CNTN4: variants seen among roughly 807,000 people sequenced by gnomAD.
The protein encoded by CNTN4 is contactin-4.
A neutral mutation model predicts 122.5 loss-of-function variants in CNTN4; 77 were observed. The observed-to-expected ratio is 0.63, with a 90% confidence interval of 0.52 to 0.76. The LOEUF (loss-of-function observed/expected upper bound fraction) is 0.76, where lower values mean the gene tolerates loss of function less well. CNTN4 is among the 30% of genes least tolerant of loss of function. The pLI, the probability that CNTN4 is intolerant of heterozygous loss-of-function variation, is 0.00. For missense variants in CNTN4, 1,256 were observed against 1,259.1 expected (o/e 1.00, Z 0.04); for synonymous variants, 512 against 447.0 (o/e 1.15, Z -1.83).
In CNTN4 at chr3:2,313,252, T is replaced by C. The variant is rs563233710; in HGVS notation, c.-144-25926T>C. ...GTACAGAAAAACAAAAATATAGTCA[T>C]TATAAGAAGGGGTTATATCAATACT... is the stretch of plus-strand genomic sequence containing the variant. On this transcript the variant is annotated intron_variant, in intron 2 of 24. Coordinates refer to ENST00000418658, the MANE Select transcript of CNTN4 (RefSeq NM_175607.3). 2.1e-4 allele frequency among the ~76,000 whole-genome samples: 32 copies of C among 152,032 alleles called. No homozygotes were observed. In the Middle Eastern group the frequency reaches 0.01, roughly 48 times the overall value.
intron 3 of CNTN4, among the ~76,000 whole-genome samples, chr3:2,339,925 T>C (rs1009774830): frequency 1.3e-5 from 2 of 152,166 alleles, no homozygotes; most frequent in Non-Finnish European, 2.9e-5. Flanking sequence ...TCCTCTAGCT[T>C]CTGGTGGTTG....
chr3:2,678,824 T>A, intron 4 of CNTN4, among the ~76,000 whole-genome samples: 1 of 152,180 alleles, frequency 6.6e-6, no homozygotes, highest in Non-Finnish European at 1.5e-5. Flanking sequence ...ATTAAGTCTG[T>A]AGGACTGCAT....
intron 18 of CNTN4, chr3:3,037,721 C>T (rs374699502): frequency 1.6e-5 from 5 of 308,128 alleles, no homozygotes; most frequent in Admixed American, 8.9e-5. Context: ...GACACAGCCA[C>T]CATGGGGTAA....
chr3:2,699,911 A>G (rs748480787), intron 4 of CNTN4, among the ~76,000 whole-genome samples: 26 of 152,308 alleles, frequency 1.7e-4, no homozygotes, highest in Non-Finnish European at 3.2e-4. Flanking sequence ...CAGAGCAGCT[A>G]TGCAGGCTTC....
chr3:2,457,249 C>G (rs1160563136), intron 3 of CNTN4, among the ~76,000 whole-genome samples: 1 of 151,968 alleles, frequency 6.6e-6, no homozygotes, highest in African/African-American at 2.4e-5. Context: ...ATACAATATT[C>G]CAAAAGTAAT....
chr3:2,125,181 T>C (rs2034063280), intron 2 of CNTN4, among the ~76,000 whole-genome samples: 2 of 152,172 alleles, frequency 1.3e-5, no homozygotes, highest in African/African-American at 4.8e-5. Context: ...AGTTTGACTA[T>C]TTTAGATACC....
intron 14 of CNTN4, among the ~76,000 whole-genome samples, chr3:2,993,763 G>A (rs116125147): frequency 0.01 from 1,598 of 152,242 alleles, 8 homozygotes; most frequent in Non-Finnish European, 0.015. Flanking sequence ...CCAAGGTATA[G>A]TCTGGCCAAG....
At chr3:2,830,822 G>T (rs2093088012) in intron 7 of CNTN4, among the ~76,000 whole-genome samples, 1 of 152,120 alleles carries the variant, frequency 6.6e-6, no homozygotes, top group African/African-American at 2.4e-5. Context: ...CAATGAATAG[G>T]TATTCTCTCA....
intron 4 of CNTN4, among the ~76,000 whole-genome samples, chr3:2,663,842 T>C (rs2084020904): frequency 6.6e-6 from 1 of 152,180 alleles, no homozygotes; most frequent in East Asian, 1.9e-4. Context: ...GATGCATACA[T>C]ATTACAACAA....
chr3:2,193,052 C>T (rs536239225), intron 2 of CNTN4, among the ~76,000 whole-genome samples: 3 of 152,104 alleles, frequency 2.0e-5, no homozygotes, highest in Non-Finnish European at 4.4e-5. Context: ...ATGGGAAGAC[C>T]CAATCTTTCC....
intron 3 of CNTN4, among the ~76,000 whole-genome samples, chr3:2,372,193 A>G (rs1439336468): frequency 3.3e-5 from 5 of 152,132 alleles, no homozygotes; most frequent in African/African-American, 1.2e-4. Flanking sequence ...CAGTAGCTCT[A>G]TTTATTTATT....
rs771073532 is a variant in CNTN4, at chr3:2,887,233, A to G, written c.940+9A>G. 4.3e-6 allele frequency: 7 copies of G among 1,610,362 alleles called. No individual in the cohort carries two copies. The East Asian group carries it at 8.9e-5, about 21-fold the overall frequency. ...ACAGCTAACTTTCTATGGTAAGTGT[A>G]TGATTTCAGTTTATCATTTATAGTG... On this transcript the variant is annotated intron_variant, in intron 10 of 24. Coordinates refer to ENST00000418658, the MANE Select transcript of CNTN4 (RefSeq NM_175607.3).
chr3:2,612,012 C>T (rs890008663), intron 4 of CNTN4, among the ~76,000 whole-genome samples: 2 of 15,986 alleles, frequency 1.3e-4, no homozygotes, highest in Admixed American at 7.9e-4. Context: ...AAAATATTCT[C>T]AGGTGGTAAC....
chr3:2,132,059 A>T (rs1198500198), intron 2 of CNTN4, among the ~76,000 whole-genome samples: 1 of 152,164 alleles, frequency 6.6e-6, no homozygotes, highest in African/African-American at 2.4e-5. Flanking sequence ...GCCAAGTCAT[A>T]AGGAGCCTTG....
intron 4 of CNTN4, among the ~76,000 whole-genome samples, chr3:2,614,607 G>A (rs931089614): frequency 6.6e-6 from 1 of 152,112 alleles, no homozygotes; most frequent in African/African-American, 2.4e-5. Context: ...ATGAGAGAAC[G>A]GGGTGAACTT....
At chr3:2,575,590 A>G (rs1268690210) in intron 4 of CNTN4, among the ~76,000 whole-genome samples, 1 of 152,102 alleles carries the variant, frequency 6.6e-6, no homozygotes, top group Non-Finnish European at 1.5e-5. Flanking sequence ...TTTTGTCAAG[A>G]ATGCTCTTGC....
intron 2 of CNTN4, among the ~76,000 whole-genome samples, chr3:2,259,742 CATGTGG>C (rs2040747741): frequency 6.6e-6 from 1 of 152,178 alleles, no homozygotes; most frequent in Non-Finnish European, 1.5e-5. Context: ...CCTCCCACAA[CATGTGG>C]GAATTATGGG....
intron 3 of CNTN4, among the ~76,000 whole-genome samples, chr3:2,401,518 A>G (rs956966710): frequency 1.3e-5 from 2 of 152,130 alleles, no homozygotes; most frequent in African/African-American, 4.8e-5. Flanking sequence ...AAATTATTTC[A>G]CAACTTAAAG....
intron 7 of CNTN4, among the ~76,000 whole-genome samples, chr3:2,824,459 AAAAAACAAAAAC>A (rs374213312): frequency 7.9e-5 from 12 of 151,440 alleles, no homozygotes; most frequent in Admixed American, 2.0e-4. Flanking sequence ...TCTGGCTCAA[AAAAAACAAAAAC>A]AAAAACAAAA....
Sources: allele counts gnomAD v4.1 joint callset (sites outside exome capture counted in the v4.1 genomes callset), GRCh38; gene constraint gnomAD v4.1.1; transcripts MANE v1.5; gene names NCBI Gene and HGNC (gene_info 2026-07-23, HGNC 2026-07-21).